The following COQ6 variants were observed in gnomAD, a reference collection of about 807,000 sequenced individuals.
COQ6 encodes ubiquinone biosynthesis monooxygenase COQ6, mitochondrial.
Under a neutral mutation model 55.5 loss-of-function variants are expected in COQ6, and 45 were observed. The observed-to-expected ratio is 0.81, with a 90% CI of 0.64 to 1.04. The LOEUF (loss-of-function observed/expected upper bound fraction) is 1.04, where lower values mean the gene tolerates loss of function less well. Among genes scored for constraint, COQ6 ranks in the 50% least tolerant of loss-of-function variants. The pLI is 0.00. For missense variants in COQ6, 550 were observed against 601.3 expected (o/e 0.91, Z 0.89); for synonymous variants, 206 against 230.5 (o/e 0.89, Z 0.96).
At chr14:73,950,263 T>G, upstream of COQ6, 1 of 1,538,770 alleles carries the variant, frequency 6.5e-7, no homozygotes, top group Non-Finnish European at 8.7e-7. Flanking sequence ...GGGATTGGAG[T>G]GCTCTGCTCC....
At chr14:73,949,920 C>G, upstream of COQ6, 1 of 1,606,616 alleles carries the variant, frequency 6.2e-7, no homozygotes, top group East Asian at 2.2e-5. Context: ...CAACGCCCAA[C>G]AGTTTCCTCT....
chr14:73,956,327 C>A (rs1164179476), intron 4 of COQ6: 224 of 146,392 alleles, frequency 1.5e-3, no homozygotes, highest in South Asian at 3.2e-3. Flanking sequence ...GACTCCGTCT[C>A]AAAAAAAAAA....
chr14:73,959,300 G>T (rs1276378301), intron 7 of COQ6, 76 bp downstream of exon 7: 1 of 1,614,108 alleles, frequency 6.2e-7, no homozygotes, highest in Non-Finnish European at 8.5e-7. Context: ...CCTTTTTCTG[G>T]TTTCAAGGGA....
chr14:73,950,229 C>G (rs1311340784), upstream of COQ6: 4 of 1,538,928 alleles, frequency 2.6e-6, no homozygotes, highest in African/African-American at 2.7e-5. Context: ...ATTTCCGGTT[C>G]TGAGGACGCC....
intron 9 of COQ6, 35 bp downstream of exon 9, chr14:73,961,410 C>T: frequency 1.2e-6 from 2 of 1,614,172 alleles, no homozygotes; most frequent in African/African-American, 1.3e-5. Flanking sequence ...ACTCCCTTCT[C>T]ACTTTGCTGC....
In COQ6 at chr14:73,957,123, A is replaced by T. The variant is rs186353105; in HGVS notation, c.482-1024A>T. On this transcript the variant is annotated intron_variant, in intron 4 of 11. Coordinates refer to ENST00000334571, the MANE Select transcript of COQ6 (RefSeq NM_182476.3). ...ATTATTTTTTTTTTTTTGGAGATGG[A>T]GTCTCGCTCTGTCGCCCAGGCTGGA... Among the ~76,000 whole-genome samples, 223 of 149,058 alleles carry T rather than the reference A, an allele frequency of 1.5e-3. 1 individual carries two copies. The highest frequency in any genetic ancestry group is 5.3e-3 in the African/African-American group (217 of 40,584).
intron 4 of COQ6, among the ~76,000 whole-genome samples, chr14:73,957,060 G>C (rs1783290955): frequency 6.6e-6 from 1 of 151,226 alleles, no homozygotes; most frequent in South Asian, 2.1e-4. Context: ...ACCTTTCTTT[G>C]TTGTCCAGAC....
chr14:73,952,792 C>A (rs1456452100), intron 1 of COQ6, among the ~76,000 whole-genome samples: 1 of 152,164 alleles, frequency 6.6e-6, no homozygotes, highest in Non-Finnish European at 1.5e-5. Context: ...TCTCCTGCCT[C>A]AGCCTCCCAA....
At chr14:73,951,155 C>T (rs1164515070) in intron 1 of COQ6, among the ~76,000 whole-genome samples, 1 of 152,050 alleles carries the variant, frequency 6.6e-6, no homozygotes, top group Non-Finnish European at 1.5e-5. Context: ...CGCCACCACT[C>T]GGCTGATTTT....
In COQ6 at chr14:73,958,966, T is replaced by C. The variant is rs369230323; in HGVS notation, c.613-5T>C. ...AAGACTTAGCAGGCTCATGTGTCCA[T>C]GCAGATAGGTGCAGATGGTCACAAC... On this transcript the variant is annotated splice_polypyrimidine_tract_variant and splice_region_variant and intron_variant, in intron 5 of 11. Coordinates refer to ENST00000334571, the MANE Select transcript of COQ6 (RefSeq NM_182476.3). 1.1e-4 allele frequency: 175 copies of C among 1,613,556 alleles called. No individual in the cohort carries two copies. The highest frequency in any genetic ancestry group is 1.3e-4 in the Non-Finnish European group (158 of 1,180,040).
At position 73,955,890 on chromosome 14, in the gene COQ6, T is replaced by C; in HGVS notation, c.443T>C (p.Ile148Thr). 6.2e-7 allele frequency: 1 copy of C among 1,614,122 alleles called. No homozygotes were observed. Among genetic ancestry groups the C allele is most frequent in the South Asian group, 1.1e-5 (1 of 91,090 alleles). The change falls in exon 4 of 12, where the codon ATC becomes ACC. Residue 148 changes from isoleucine (I) to threonine (T), a missense_variant. Coordinates refer to ENST00000334571, the MANE Select transcript of COQ6 (RefSeq NM_182476.3). ...DMGYIVENDV[I>T]MHALTKQLEA... ...GGCTATATCGTGGAGAATGATGTCATCATGCATGCTCTCACTAAGCAGTTG... is the reference window on the plus strand; with the variant it reads ...GGCTATATCGTGGAGAATGATGTCACCATGCATGCTCTCACTAAGCAGTTG...
upstream of COQ6, chr14:73,950,227 T>A (rs1703492578): frequency 6.5e-7 from 1 of 1,539,230 alleles, no homozygotes; most frequent in African/African-American, 1.4e-5. Context: ...TTATTTCCGG[T>A]TCTGAGGACG....
chr14:73,958,896 T>A, intron 5 of COQ6, 75 bp from the exon 6 acceptor site: 1 of 1,588,838 alleles, frequency 6.3e-7, no homozygotes. Context: ...GAGGAAACTT[T>A]AGGGAGCAGA....
In COQ6 at chr14:73,955,438, CT is replaced by C. The variant is rs772721316; in HGVS notation, c.299-10del. 5.6e-6 allele frequency: 9 copies of C among 1,613,078 alleles called. No homozygotes were observed. The highest frequency in any genetic ancestry group is 7.6e-6 in the Non-Finnish European group (9 of 1,179,044). On this transcript the variant is annotated splice_polypyrimidine_tract_variant and intron_variant, in intron 2 of 11. Transcript: ENST00000334571. ...GTGAAGTCACTCTGGTCTATAGATC[CT>C]TTCTTTTGTAGGTTTTGGTGCCTGG... is the stretch of plus-strand genomic sequence containing the variant.
chr14:73,953,777 G>A, intron 2 of COQ6: 2 of 642,064 alleles, frequency 3.1e-6, no homozygotes, highest in Non-Finnish European at 2.8e-6. Flanking sequence ...TCTGAGGAAT[G>A]CATCCTTGAG....
rs920178539 is a variant in COQ6 at position 73,950,360 on chromosome 14, G to C, written c.28G>C (p.Gly10Arg). The C allele has an allele frequency of 1.3e-6, 2 of 1,558,782 alleles. No individual in the cohort carries two copies. The highest frequency in any genetic ancestry group is 1.9e-5 in the Admixed American group (1 of 52,300). The change falls in exon 1 of 12, where the codon GGG becomes CGG. Residue 10 changes from glycine (G) to arginine (R), a missense_variant. Physicochemically the swap from Gly to Arg is moderately radical, Grantham distance 125 (BLOSUM62 -2). Transcript: ENST00000334571. MAARLVSRC[G>R]AVRAAPHSGP... ...GGCGGCCCGGCTTGTCAGCCGATGCGGGGCTGTGCGTGCAGCTCCCCACAG... is the reference window on the plus strand; with the variant it reads ...GGCGGCCCGGCTTGTCAGCCGATGCCGGGCTGTGCGTGCAGCTCCCCACAG...
At chr14:73,950,114 C>T (rs754225202), upstream of COQ6, 84 of 1,601,314 alleles carry the variant, frequency 5.2e-5, no homozygotes, top group Admixed American at 6.7e-5. Context: ...GGGTCCACCC[C>T]TTTCTAGCTT....
At chr14:73,960,801 T>C (rs1265807640) in intron 8 of COQ6, 3 of 373,890 alleles carry the variant, frequency 8.0e-6, no homozygotes, top group East Asian at 6.9e-5. Flanking sequence ...GTCTTCTGGA[T>C]GCTCTGAGAT....
At chr14:73,956,170 A>G in intron 4 of COQ6, 1 of 422,342 alleles carries the variant, frequency 2.4e-6, no homozygotes, top group South Asian at 2.0e-5. Context: ...TAAAAATACA[A>G]AGAAACAATT....
Sources: gnomAD v4.1 joint callset for allele counts (sites outside exome capture counted in the v4.1 genomes callset) on GRCh38, gnomAD v4.1.1 for gene constraint, MANE v1.5 for transcripts, NCBI Gene and HGNC (gene_info 2026-07-23, HGNC 2026-07-21) for gene names.